The following RD3 variants were observed in gnomAD, a reference collection of about 807,000 sequenced individuals.
RD3 encodes RD3 regulator of GUCY2D, also known as protein RD3.
RD3 carries 11 observed loss-of-function variants against 16.9 expected under a neutral mutation model. That is an observed-to-expected ratio of 0.65 (90% CI 0.41 to 1.08). RD3 has a LOEUF of 1.08. Among genes scored for constraint, RD3 ranks in the 50% least tolerant of loss-of-function variants. The pLI, the probability that RD3 is intolerant of heterozygous loss-of-function variation, is 0.00. For missense variants in RD3, 274 were observed against 267.4 expected (o/e 1.02, Z -0.17); for synonymous variants, 116 against 114.8 (o/e 1.01, Z -0.07).
chr1:211,481,097 A>G (rs748219340), intron 2 of RD3, 23 bp downstream of exon 2: 17 of 1,612,666 alleles, frequency 1.1e-5, no homozygotes, highest in Non-Finnish European at 1.4e-5. Context: ...CAGCCCAGCA[A>G]GGGTCCCCAT....
intron 1 of RD3, among the ~76,000 whole-genome samples, chr1:211,483,861 C>T (rs1705323650): frequency 6.6e-6 from 1 of 152,194 alleles, no homozygotes; most frequent in Non-Finnish European, 1.5e-5. Context: ...TGATGCTTAG[C>T]ACCAAAAGAG....
At chr1:211,486,303 G>A (rs1263804342) in intron 1 of RD3, among the ~76,000 whole-genome samples, 4 of 152,004 alleles carry the variant, frequency 2.6e-5, no homozygotes, top group East Asian at 1.9e-4. Flanking sequence ...TCACGAGTTC[G>A]AGACCAGCCT....
rs1434115294 is a variant in RD3 at position 211,481,357 on chromosome 1, C to T, written c.59G>A (p.Ser20Asn). 6.2e-7 allele frequency: 1 copy of T among 1,613,986 alleles called. No homozygotes were observed. Among genetic ancestry groups the T allele is most frequent in the Admixed American group, 1.7e-5 (1 of 60,028 alleles). ...CGTCTCCAGCACCATCTCAGCAGGG[C>T]TCCTGGTGGACAGCCGGGATGGGGC... is the stretch of plus-strand genomic sequence containing the variant. ...NEAPSRLSTR[S>N]PAEMVLETLM... Residue 20 changes from serine (S) to asparagine (N), a missense_variant, in exon 2 of 3, where the codon AGC (serine) becomes AAC (asparagine). Coordinates refer to ENST00000680073, the MANE Select transcript of RD3 (RefSeq NM_001164688.2).
At chr1:211,487,742 C>A (rs181360115) in intron 1 of RD3, among the ~76,000 whole-genome samples, 1 of 152,212 alleles carries the variant, frequency 6.6e-6, no homozygotes, top group African/African-American at 2.4e-5. Flanking sequence ...GGCATCGAGG[C>A]CTTGCACAGT....
intron 1 of RD3, among the ~76,000 whole-genome samples, chr1:211,488,804 C>T (rs1705428703): frequency 6.6e-6 from 1 of 152,130 alleles, no homozygotes; most frequent in Non-Finnish European, 1.5e-5. Flanking sequence ...GTTCCCTCTC[C>T]CCATATTCCC....
intron 1 of RD3, among the ~76,000 whole-genome samples, chr1:211,489,085 C>T (rs749040932): frequency 5.9e-5 from 9 of 152,170 alleles, no homozygotes; most frequent in Non-Finnish European, 1.3e-4. Flanking sequence ...GCCTCAGTTT[C>T]CCCAATCTAT....
At chr1:211,487,971 G>A (rs1277298241) in intron 1 of RD3, among the ~76,000 whole-genome samples, 1 of 152,224 alleles carries the variant, frequency 6.6e-6, no homozygotes, top group Non-Finnish European at 1.5e-5. Flanking sequence ...AGTGGAAAGG[G>A]ACTCCTGGGC....
intron 1 of RD3, among the ~76,000 whole-genome samples, chr1:211,489,034 C>T (rs1051878075): frequency 4.6e-5 from 7 of 152,214 alleles, no homozygotes; most frequent in Admixed American, 3.3e-4. Flanking sequence ...CTTCCCCTCC[C>T]GTGTATGCTG....
intron 1 of RD3, among the ~76,000 whole-genome samples, chr1:211,490,110 C>T (rs577262264): frequency 2.0e-5 from 3 of 152,202 alleles, no homozygotes; most frequent in Non-Finnish European, 2.9e-5. Context: ...GAAAAACTCT[C>T]GCGTTGTGCC....
At chr1:211,489,130 G>A (rs1256218658) in intron 1 of RD3, among the ~76,000 whole-genome samples, 1 of 152,140 alleles carries the variant, frequency 6.6e-6, no homozygotes, top group East Asian at 1.9e-4. Flanking sequence ...TCAAGTTACT[G>A]TGAAAATCAA....
intron 1 of RD3, among the ~76,000 whole-genome samples, chr1:211,484,807 C>G (rs890380234): frequency 6.6e-6 from 1 of 152,192 alleles, no homozygotes; most frequent in Admixed American, 6.5e-5. Context: ...CTTGCAAACA[C>G]GTGTGGGGAC....
intron 1 of RD3, among the ~76,000 whole-genome samples, chr1:211,484,172 C>T (rs1374690898): frequency 6.6e-6 from 1 of 152,234 alleles, no homozygotes; most frequent in Non-Finnish European, 1.5e-5. Flanking sequence ...CCTACCTCCC[C>T]TGACCCCGGG....
At chr1:211,488,579 A>G (rs1705422905) in intron 1 of RD3, among the ~76,000 whole-genome samples, 1 of 151,830 alleles carries the variant, frequency 6.6e-6, no homozygotes, top group African/African-American at 2.4e-5. Flanking sequence ...TGAAGGCTCT[A>G]TAGAGAGGAG....
At chr1:211,483,441 C>T (rs1452378127) in intron 1 of RD3, among the ~76,000 whole-genome samples, 1 of 148,842 alleles carries the variant, frequency 6.7e-6, no homozygotes, top group Admixed American at 6.7e-5. Context: ...GGTGACAGAG[C>T]GAGACTCCAA....
At chr1:211,485,985 T>TA (rs1450726516) in intron 1 of RD3, among the ~76,000 whole-genome samples, 5 of 141,768 alleles carry the variant, frequency 3.5e-5, no homozygotes, top group Non-Finnish European at 6.2e-5. Flanking sequence ...ACCAAAAATA[T>TA]AAAAAATTAG....
Position 211,478,028 on chromosome 1 carries a change from C to A in RD3, c.*1008G>T, listed in dbSNP as rs571811935. On this transcript the variant is annotated 3_prime_UTR_variant, in exon 3 of 3. Transcript: ENST00000680073. Reference sequence around the variant, plus strand: ...TCTAGAACATTTCACTCAGCTGCCTCAAGGTCAGTCAGGGGTTTGGGCATC... The same window carrying A: ...TCTAGAACATTTCACTCAGCTGCCTAAAGGTCAGTCAGGGGTTTGGGCATC... 1 of 398,640 alleles carries A rather than the reference C, an allele frequency of 2.5e-6. No homozygotes were observed. Among genetic ancestry groups the A allele is most frequent in the Non-Finnish European group, 4.4e-6 (1 of 226,092 alleles). 24.7% of individuals were successfully genotyped at this position (398,640 alleles called of 1,614,324 possible). A position where few individuals can be genotyped will look rare whatever the true frequency, so the allele number is the denominator to read the frequency against.
rs989717139 is a variant in RD3 at position 211,476,864 on chromosome 1, T to A, written c.*2172A>T. The A allele has an allele frequency of 6.6e-6, 1 of 152,148 alleles. No individual in the cohort carries two copies. The highest frequency in any genetic ancestry group is 1.5e-5 in the Non-Finnish European group (1 of 68,040). 9.4% of individuals were successfully genotyped at this position (152,148 alleles called of 1,614,324 possible). A position where few individuals can be genotyped will look rare whatever the true frequency, so the allele number is the denominator to read the frequency against. ...AAGGAGAAAAATAGACATTCTCTTA[T>A]CCAGCCTCCTTTGAATCTCCCTCCA... On this transcript the variant is annotated 3_prime_UTR_variant, in exon 3 of 3. Coordinates refer to ENST00000680073, the MANE Select transcript of RD3 (RefSeq NM_001164688.2).
chr1:211,489,391 T>A (rs1705439273), intron 1 of RD3, among the ~76,000 whole-genome samples: 1 of 152,032 alleles, frequency 6.6e-6, no homozygotes, highest in Non-Finnish European at 1.5e-5. Flanking sequence ...CCCATGGCTT[T>A]ATCTCCAGCA....
At chr1:211,486,257 C>T (rs2102371549) in intron 1 of RD3, among the ~76,000 whole-genome samples, 1 of 152,026 alleles carries the variant, frequency 6.6e-6, no homozygotes. Context: ...ATAATCCCAG[C>T]ACTTTGGGAG....
Sources: allele counts gnomAD v4.1 joint callset (sites outside exome capture counted in the v4.1 genomes callset), GRCh38; gene constraint gnomAD v4.1.1; transcripts MANE v1.5; gene names NCBI Gene and HGNC (gene_info 2026-07-23, HGNC 2026-07-21).